Variants in PLSCR2 observed in about 807,000 individuals in gnomAD.
PLSCR2 encodes phospholipid scramblase 2.
In PLSCR2, 18 loss-of-function variants were observed where a neutral mutation model predicts 25.3. The ratio of observed to expected loss-of-function variants is 0.71; its 90% confidence interval spans 0.49 to 1.06. The LOEUF is 1.06. Ranked by LOEUF, PLSCR2 falls within the 50% of genes least tolerant of loss-of-function variation. PLSCR2 has a pLI of 0.00. For missense variants in PLSCR2, 243 were observed against 269.5 expected, an observed-to-expected ratio of 0.90 and a Z score of 0.69; for synonymous variants, 88 against 87.3, an observed-to-expected ratio of 1.01 and a Z score of -0.04.
chr3:146,468,360 A>C lies in PLSCR2; in HGVS notation c.-292-8076T>G, dbSNP rs188226238. ...GCCCCCAAACCGCCTGACACTTCTA[A>C]GTGTCACTGGTACTAACCATGTATC... is the stretch of plus-strand genomic sequence containing the variant. On this transcript the variant is annotated intron_variant, in intron 1 of 8. Coordinates refer to the PLSCR2 transcript ENST00000336685. Among the ~76,000 whole-genome samples the C allele has an allele frequency of 3.9e-5, 6 of 152,252 alleles. No homozygotes were observed. In the East Asian group the frequency reaches 1.2e-3, roughly 30 times the overall value.
At chr3:146,441,942 T>C (rs1218190528) in intron 6 of PLSCR2, 121 bp from the exon 7 acceptor site, 2 of 600,418 alleles carry the variant, frequency 3.3e-6, no homozygotes, top group East Asian at 3.1e-5. Context: ...AAATTAACTA[T>C]AATAAGTAAT....
intron 1 of PLSCR2, among the ~76,000 whole-genome samples, chr3:146,480,536 A>T (rs952159758): frequency 1.3e-5 from 2 of 152,228 alleles, no homozygotes; most frequent in Non-Finnish European, 2.9e-5. Flanking sequence ...AGACTAAACC[A>T]GGAAGAAGTT....
At chr3:146,403,182 A>G (rs984727197) in intron 2 of PLSCR2, among the ~76,000 whole-genome samples, 1 of 152,096 alleles carries the variant, frequency 6.6e-6, no homozygotes, top group Admixed American at 6.6e-5. Flanking sequence ...TCCTAACTAC[A>G]TGCTCTACTT....
intron 2 of PLSCR2, among the ~76,000 whole-genome samples, chr3:146,397,121 C>T (rs186419364): frequency 6.6e-6 from 1 of 152,200 alleles, no homozygotes; most frequent in Non-Finnish European, 1.5e-5. Context: ...CATACTTTCT[C>T]TCATTTGGCT....
At chr3:146,430,748 TC>T (rs2039517356), downstream of PLSCR2, among the ~76,000 whole-genome samples, 1 of 151,142 alleles carries the variant, frequency 6.6e-6, no homozygotes. Flanking sequence ...CACTTTCACT[TC>T]CCCCCACCCC....
chr3:146,397,917 G>A (rs1410826047), intron 2 of PLSCR2, among the ~76,000 whole-genome samples: 1 of 151,896 alleles, frequency 6.6e-6, no homozygotes, highest in Non-Finnish European at 1.5e-5. Context: ...ATATGCAGAT[G>A]CCAGTAAGAA....
Position 146,449,375 on chromosome 3 carries a change from G to GAA in PLSCR2, c.484-9_484-8insTT. The GAA allele has an allele frequency of 1.8e-5, 25 of 1,385,216 alleles. No homozygotes were observed. Among genetic ancestry groups the GAA allele is most frequent in the South Asian group, 9.8e-5 (6 of 61,052 alleles). 85.8% of individuals were successfully genotyped at this position (1,385,216 alleles called of 1,614,324 possible). On this transcript the variant is annotated splice_polypyrimidine_tract_variant and intron_variant, in intron 5 of 6. Coordinates refer to ENST00000610787, the Ensembl canonical transcript of PLSCR2. Reference sequence around the variant, plus strand: ...TTCATCAAGAGATGTAATCTAAATTGCAAAAAAAAAAAAAACTTAAAAATT... The same window carrying GAA: ...TTCATCAAGAGATGTAATCTAAATTGAACAAAAAAAAAAAAAACTTAAAAATT...
At chr3:146,461,895 G>T (rs1345873877), upstream of PLSCR2, 1 of 1,503,462 alleles carries the variant, frequency 6.7e-7, no homozygotes, top group Non-Finnish European at 8.9e-7. Flanking sequence ...GAAGTTTTCA[G>T]GAGTGCCCAG....
At chr3:146,441,817 T>C (rs558753242) in exon 7 of PLSCR2, 4 of 1,584,528 alleles carry the variant, frequency 2.5e-6, no homozygotes, top group South Asian at 1.1e-5. Flanking sequence ...AAAAAACATG[T>C]AGTCCTGGAT....
At chr3:146,463,188 C>CT (rs1012440659), upstream of PLSCR2, among the ~76,000 whole-genome samples, 9 of 152,128 alleles carry the variant, frequency 5.9e-5, no homozygotes, top group Admixed American at 4.6e-4. Flanking sequence ...CTTGGTATTT[C>CT]TTTTTTTTCT....
intron 8 of PLSCR2, among the ~76,000 whole-genome samples, chr3:146,436,366 G>A (rs1233510514): frequency 6.6e-6 from 1 of 152,180 alleles, no homozygotes; most frequent in Non-Finnish European, 1.5e-5. Context: ...ACCTTGGGCA[G>A]GATGGCCATT....
At chr3:146,468,567 T>TGCCAGGCAGTACTCAGTGAG (rs1167760781) in intron 1 of PLSCR2, among the ~76,000 whole-genome samples, 85 of 152,358 alleles carry the variant, frequency 5.6e-4, no homozygotes, top group Admixed American at 1.0e-3. Flanking sequence ...CACTGAGTAC[T>TGCCAGGCAGTACTCAGTGAG]TTCTGTAGTG....
chr3:146,469,847 G>A (rs931551912), intron 1 of PLSCR2, among the ~76,000 whole-genome samples: 1 of 111,386 alleles, frequency 9.0e-6, no homozygotes, highest in African/African-American at 3.4e-5. Flanking sequence ...CCCCATCCCC[G>A]TCCCCTTTTT....
At chr3:146,476,994 A>G (rs1450917864) in intron 1 of PLSCR2, among the ~76,000 whole-genome samples, 1 of 152,194 alleles carries the variant, frequency 6.6e-6, no homozygotes, top group Non-Finnish European at 1.5e-5. Flanking sequence ...CACCTGTTGG[A>G]CCAAGGGACA....
chr3:146,446,051 T>C (rs1178384833), intron 6 of PLSCR2, among the ~76,000 whole-genome samples: 1 of 152,182 alleles, frequency 6.6e-6, no homozygotes, highest in East Asian at 1.9e-4. Context: ...GAATTCCCCC[T>C]CTGTGTTAAC....
intron 1 of PLSCR2, among the ~76,000 whole-genome samples, chr3:146,485,055 A>G (rs1211516879): frequency 6.6e-6 from 1 of 152,002 alleles, no homozygotes; most frequent in South Asian, 2.1e-4. Context: ...CTTCTGTACA[A>G]AGACACACAC....
intron 2 of PLSCR2, among the ~76,000 whole-genome samples, chr3:146,404,323 A>G (rs1378052655): frequency 6.6e-6 from 1 of 152,226 alleles, no homozygotes; most frequent in Non-Finnish European, 1.5e-5. Context: ...TCATATGGTG[A>G]GTGAACATAT....
chr3:146,444,705 T>C (rs558241874), intron 6 of PLSCR2, among the ~76,000 whole-genome samples: 1 of 152,154 alleles, frequency 6.6e-6, no homozygotes, highest in Admixed American at 6.5e-5. Context: ...TTTTTTTCCA[T>C]GCAATCATTC....
rs777965782 is a variant in PLSCR2 at position 146,482,274 on chromosome 3, C to G, written c.-293+13621G>C. Among the ~76,000 whole-genome samples the G allele has an allele frequency of 3.3e-4, 50 of 152,260 alleles. No individual in the cohort carries two copies. The Middle Eastern group carries it at 0.01, about 31-fold the overall frequency. ...TCTGTATGGCAAAAGAAACTACCAT[C>G]AGAGTGAGCAGGCAACCTACAGAAT... On this transcript the variant is annotated intron_variant, in intron 1 of 8. Transcript: ENST00000336685.
Sources: gnomAD v4.1 joint callset for allele counts (sites outside exome capture counted in the v4.1 genomes callset) on GRCh38, gnomAD v4.1.1 for gene constraint, MANE v1.5 for transcripts, NCBI Gene and HGNC (gene_info 2026-07-23, HGNC 2026-07-21) for gene names.